CACNA1B: variants seen among roughly 807,000 people sequenced by gnomAD.
CACNA1B encodes the protein voltage-dependent N-type calcium channel subunit alpha-1B.
In CACNA1B, 70 loss-of-function variants were observed where a neutral mutation model predicts 247.2. The observed-to-expected ratio is 0.28, with a 90% CI of 0.23 to 0.35. CACNA1B has a LOEUF of 0.35. CACNA1B is among the 10% of genes least tolerant of loss of function. The pLI, the probability that CACNA1B is intolerant of heterozygous loss-of-function variation, is 1.00. For synonymous variants in CACNA1B, 1,231 were observed against 1,294.4 expected, an observed-to-expected ratio of 0.95 and a Z score of 1.05; for missense variants, 2,367 against 3,197.4, an observed-to-expected ratio of 0.74 and a Z score of 6.26.
chr9:137,997,822 G>A (rs896533339), intron 15 of CACNA1B, among the ~76,000 whole-genome samples: 5 of 152,162 alleles, frequency 3.3e-5, no homozygotes, highest in African/African-American at 1.2e-4. Flanking sequence ...AAGTGCACAA[G>A]GAAACATGTA....
rs1254836347 is a variant in CACNA1B at position 137,888,265 on chromosome 9, G to A, written c.530+5382G>A. On this transcript the variant is annotated intron_variant, in intron 3 of 46. Coordinates refer to ENST00000371372, the MANE Select transcript of CACNA1B (RefSeq NM_000718.4). The surrounding 1 kb of genome is among the most constrained non-coding windows in gnomAD (Gnocchi z 4.7). ...GTGCCTCCGGAGTCTGTCACCCATC[G>A]GCGCAGGTGCCTTTCCCCTTCCGTG... Among the ~76,000 whole-genome samples the A allele has an allele frequency of 6.6e-6, 1 of 151,966 alleles. No individual in the cohort carries two copies. The highest frequency in any genetic ancestry group is 1.5e-5 in the Non-Finnish European group (1 of 67,970).
chr9:138,038,877 G>C (rs1959079808), intron 20 of CACNA1B, among the ~76,000 whole-genome samples: 1 of 152,122 alleles, frequency 6.6e-6, no homozygotes, highest in Admixed American at 6.6e-5. Context: ...CAGGCTTTTT[G>C]GTGGGCTTTT....
chr9:138,026,896 TGAGAG>T (rs1245498187), intron 20 of CACNA1B, among the ~76,000 whole-genome samples: 2 of 152,236 alleles, frequency 1.3e-5, no homozygotes, highest in African/African-American at 4.8e-5. Context: ...CAGCAATGAA[TGAGAG>T]TTCCTGTTGC....
Position 138,075,812 on chromosome 9 carries a change from A to G in CACNA1B, c.4858-7A>G, listed in dbSNP as rs375757156. The G allele has an allele frequency of 1.3e-6, 2 of 1,592,084 alleles. No individual in the cohort carries two copies. The highest frequency in any genetic ancestry group is 2.2e-5 in the East Asian group (1 of 44,628). ...AGGGTCCGTGCCATTGCTCTTCTCCATTGCAGGTGTTTGGGAATATTGCCC... is the reference window on the plus strand; with the variant it reads ...AGGGTCCGTGCCATTGCTCTTCTCCGTTGCAGGTGTTTGGGAATATTGCCC... On this transcript the variant is annotated splice_region_variant and splice_polypyrimidine_tract_variant and intron_variant, in intron 34 of 46. Transcript: ENST00000371372.
Position 137,926,564 on chromosome 9 carries a change from G to A in CACNA1B, c.966+9133G>A, listed in dbSNP as rs562711656. Among the ~76,000 whole-genome samples, 3 of 152,264 alleles carry A rather than the reference G, an allele frequency of 2.0e-5. No individual in the cohort carries two copies. In the East Asian group the frequency reaches 5.8e-4, roughly 29 times the overall value. ...GTATATACCCAGAAGTGGAATTGAG[G>A]GATCATATGATAATTACATTTTTAA... On this transcript the variant is annotated intron_variant, in intron 6 of 46. Coordinates refer to ENST00000371372, the MANE Select transcript of CACNA1B (RefSeq NM_000718.4).
intron 39 of CACNA1B, among the ~76,000 whole-genome samples, chr9:138,108,219 C>T (rs1961501275): frequency 6.7e-6 from 1 of 149,902 alleles, no homozygotes; most frequent in South Asian, 2.1e-4. Context: ...CGCCTGTGCT[C>T]CCAGCTGCTT....
intron 26 of CACNA1B, among the ~76,000 whole-genome samples, chr9:138,056,933 G>GT (rs138277172): frequency 0.011 from 1,253 of 113,424 alleles, 21 homozygotes; most frequent in Non-Finnish European, 0.013. Context: ...TTTTATTTGG[G>GT]TTTTTTTTTT....
chr9:137,960,709 C>A (rs1053217860), intron 10 of CACNA1B, among the ~76,000 whole-genome samples: 1 of 151,902 alleles, frequency 6.6e-6, no homozygotes, highest in East Asian at 1.9e-4. Flanking sequence ...CGGTAGCGGT[C>A]GAGGAAACCT....
At chr9:138,060,954 C>T (rs556398234) in intron 31 of CACNA1B, among the ~76,000 whole-genome samples, 1 of 152,368 alleles carries the variant, frequency 6.6e-6, no homozygotes, top group East Asian at 1.9e-4. Flanking sequence ...TGTGGCCAGC[C>T]TTCTGCTGCA....
In CACNA1B at chr9:138,010,842, A is replaced by G. The variant is rs1312769842; in HGVS notation, c.2160+765A>G. On this transcript the variant is annotated intron_variant, in intron 17 of 46. Transcript: ENST00000371372. This position sits in a 1 kb window ranked among gnomAD's most constrained non-coding sequence, Gnocchi z 5.3. The stretch of plus-strand genomic sequence containing the variant: ...TGTCACTCCAGTCCAGTGTCTCTCC[A>G]TGCCTTCCCTGTTCCGGGGCTGAGA... Among the ~76,000 whole-genome samples, 1 of 151,982 alleles carries G rather than the reference A, an allele frequency of 6.6e-6. No homozygotes were observed. Among genetic ancestry groups the G allele is most frequent in the South Asian group, 2.1e-4 (1 of 4,814 alleles).
At chr9:137,979,052 T>A (rs892104829) in intron 12 of CACNA1B, among the ~76,000 whole-genome samples, 6 of 152,240 alleles carry the variant, frequency 3.9e-5, no homozygotes. Context: ...GATGCAGGGA[T>A]CTTTTTCATG....
intron 20 of CACNA1B, among the ~76,000 whole-genome samples, chr9:138,041,421 G>A (rs373217651): frequency 2.0e-5 from 3 of 152,142 alleles, no homozygotes; most frequent in African/African-American, 4.8e-5. Flanking sequence ...TCCAAAGCTC[G>A]CTGTTTTGCT....
At chr9:138,029,506 A>T (rs1167048138) in intron 20 of CACNA1B, among the ~76,000 whole-genome samples, 1 of 151,900 alleles carries the variant, frequency 6.6e-6, no homozygotes, top group East Asian at 1.9e-4. Context: ...CCACTTACTT[A>T]CATAGCCTTA....
intron 12 of CACNA1B, among the ~76,000 whole-genome samples, chr9:137,980,539 AG>A (rs1210994742): frequency 6.6e-6 from 1 of 152,218 alleles, no homozygotes; most frequent in Non-Finnish European, 1.5e-5. Flanking sequence ...ATTTAGATTC[AG>A]GGGTTACACG....
At position 137,971,558 on chromosome 9, in the gene CACNA1B, T is replaced by C. The variant is rs1287977252; in HGVS notation, c.1509T>C (p.His503=). 6.2e-7 allele frequency: 1 copy of C among 1,613,638 alleles called. No individual in the cohort carries two copies. Among genetic ancestry groups the C allele is most frequent in the Admixed American group, 1.7e-5 (1 of 59,976 alleles). ...ACACACTGTGTGTGGCCATGGTGCA[T>C]TACAACCAGCCGCGGCGGCTTACCA... The part of the protein sequence containing the change: ...ALNTLCVAMV[H]YNQPRRLTTT... Residue 503 remains histidine (H), a synonymous_variant, in exon 11 of 47, where the codon CAT becomes CAC. Coordinates refer to ENST00000371372, the MANE Select transcript of CACNA1B (RefSeq NM_000718.4). The surrounding 1 kb of genome is among the most constrained non-coding windows in gnomAD (Gnocchi z 4.4).
intron 21 of CACNA1B, among the ~76,000 whole-genome samples, chr9:138,045,836 GT>G (rs1440210264): frequency 2.0e-5 from 3 of 152,342 alleles, no homozygotes; most frequent in East Asian, 3.9e-4. Context: ...AGATGGCTGA[GT>G]TCCCTTCAAG....
chr9:138,022,564 GC>G (rs1958858080), intron 18 of CACNA1B, among the ~76,000 whole-genome samples: 2 of 152,084 alleles, frequency 1.3e-5, no homozygotes, highest in South Asian at 4.1e-4. Flanking sequence ...CTGTGCTGGT[GC>G]TGCAGCAGGG....
At chr9:138,006,263 A>G (rs1410002708) in intron 15 of CACNA1B, among the ~76,000 whole-genome samples, 1 of 152,142 alleles carries the variant, frequency 6.6e-6, no homozygotes, top group African/African-American at 2.4e-5. Flanking sequence ...GAAAAGAGAC[A>G]TGGCTACTAG....
In CACNA1B at chr9:138,058,509, T is replaced by C. The variant is rs1259918548; in HGVS notation, c.4309-60T>C. 1 of 1,477,964 alleles carries C rather than the reference T, an allele frequency of 6.8e-7. No individual in the cohort carries two copies. Among genetic ancestry groups the C allele is most frequent in the Non-Finnish European group, 9.2e-7 (1 of 1,082,452 alleles). The allele number at this position is 1,477,964 out of a possible 1,614,324, so 91.6% of individuals were successfully genotyped here. On this transcript the variant is annotated intron_variant, in intron 28 of 46. Transcript: ENST00000371372. The surrounding 1 kb of genome is among the most constrained non-coding windows in gnomAD (Gnocchi z 4.7). ...CCTGGCGAGACAGGGCTGGGTGCAG[T>C]AGATGCCGTCGGGTAGGTTTTCTGC...
Sources: allele counts gnomAD v4.1 joint callset (sites outside exome capture counted in the v4.1 genomes callset), GRCh38; gene constraint gnomAD v4.1.1; non-coding constraint Gnocchi (gnomAD v3.1); transcripts MANE v1.5; gene names NCBI Gene and HGNC (gene_info 2026-07-23, HGNC 2026-07-21).